SOBP: variants seen among roughly 807,000 people sequenced by gnomAD.
SOBP encodes the protein sine oculis binding protein homolog, also known as sine oculis-binding protein homolog.
A neutral mutation model predicts 53.6 loss-of-function variants in SOBP; 4 were observed. That is an observed-to-expected ratio of 0.07 (90% CI 0.04 to 0.17). The LOEUF (loss-of-function observed/expected upper bound fraction) is 0.17, where lower values mean the gene tolerates loss of function less well. SOBP is among the 10% of genes least tolerant of loss of function. SOBP has a pLI of 1.00. For synonymous variants in SOBP, 584 were observed against 522.6 expected, an observed-to-expected ratio of 1.12 and a Z score of -1.60; for missense variants, 1,088 against 1,204.7, an observed-to-expected ratio of 0.90 and a Z score of 1.43.
In SOBP at chr6:107,634,769, T is replaced by C; in HGVS notation, c.1925T>C (p.Phe642Ser). The C allele has an allele frequency of 7.3e-7, 1 of 1,369,506 alleles. No homozygotes were observed. The highest frequency in any genetic ancestry group is 9.4e-7 in the Non-Finnish European group (1 of 1,062,596). The allele number at this position is 1,369,506 out of a possible 1,614,324, so 84.8% of individuals were successfully genotyped here. Residue 642 changes from phenylalanine (F) to serine (S), a missense_variant, in exon 6 of 7, where the codon TTC becomes TCC. Around this residue, in one of 6 missense-constraint regions of SOBP, gnomAD observed 665 missense variants for 629.7 expected, o/e 1.06. Transcript: ENST00000317357. The surrounding 1 kb of genome is among the most constrained non-coding windows in gnomAD (Gnocchi z 4.5). Reference sequence around the variant, plus strand: ...CCGGGCGCGGGCGGCCAGCTCGGCTTCCCAGGCGTGCTGCAGGGCCCGCAG... The same window carrying C: ...CCGGGCGCGGGCGGCCAGCTCGGCTCCCCAGGCGTGCTGCAGGGCCCGCAG... ...GPPGAGGQLGFPGVLQGPQDG... is the reference protein window; with the variant it reads ...GPPGAGGQLGSPGVLQGPQDG...
intron 4 of SOBP, among the ~76,000 whole-genome samples, chr6:107,577,931 A>G (rs1163816384): frequency 6.6e-6 from 1 of 152,088 alleles, no homozygotes; most frequent in Non-Finnish European, 1.5e-5. Flanking sequence ...AAAATTAGCC[A>G]GGCATGGTGG....
At chr6:107,546,277 C>A (rs902662142) in intron 4 of SOBP, among the ~76,000 whole-genome samples, 1 of 152,158 alleles carries the variant, frequency 6.6e-6, no homozygotes, top group African/African-American at 2.4e-5. Flanking sequence ...CTGTATCAAT[C>A]TGTGATGTAG....
At chr6:107,613,825 C>A (rs575903634) in intron 5 of SOBP, among the ~76,000 whole-genome samples, 1 of 152,138 alleles carries the variant, frequency 6.6e-6, no homozygotes, top group African/African-American at 2.4e-5. Flanking sequence ...GTATGCCTTT[C>A]AGAGATATTT....
At chr6:107,657,194 C>T (rs971349860) in intron 6 of SOBP, among the ~76,000 whole-genome samples, 2 of 152,312 alleles carry the variant, frequency 1.3e-5, no homozygotes, top group East Asian at 1.9e-4. Flanking sequence ...ACTGAGTGGC[C>T]TCAGGAAGCT....
At position 107,635,170 on chromosome 6, in the gene SOBP, T is replaced by G; in HGVS notation, c.2326T>G (p.Cys776Gly). The change falls in exon 6 of 7, where the codon TGT becomes GGT. Residue 776 changes from cysteine (C) to glycine (G), a missense_variant. Around this residue, in one of 6 missense-constraint regions of SOBP, gnomAD observed 665 missense variants for 629.7 expected, o/e 1.06. Coordinates refer to ENST00000317357, the MANE Select transcript of SOBP (RefSeq NM_018013.4). The surrounding 1 kb of genome is among the most constrained non-coding windows in gnomAD (Gnocchi z 4.5). ...SELESVKENN[C>G]ASNCHLDGEA... ...GCTAGAGTCGGTCAAGGAGAATAAC[T>G]GTGCTTCCAACTGCCACCTGGACGG... is the stretch of plus-strand genomic sequence containing the variant. 4 of 1,613,488 alleles carry G rather than the reference T, an allele frequency of 2.5e-6. No homozygotes were observed. The highest frequency in any genetic ancestry group is 3.4e-6 in the Non-Finnish European group (4 of 1,179,874).
At chr6:107,649,158 A>T (rs1249164099) in intron 6 of SOBP, among the ~76,000 whole-genome samples, 1 of 83,658 alleles carries the variant, frequency 1.2e-5, no homozygotes, top group African/African-American at 5.0e-5. Context: ...CCCCGCCCCC[A>T]CTACCAAAAA....
intron 5 of SOBP, among the ~76,000 whole-genome samples, chr6:107,623,402 A>T (rs950559337): frequency 1.3e-5 from 2 of 152,166 alleles, no homozygotes; most frequent in Non-Finnish European, 2.9e-5. Context: ...ACAAAAGAGG[A>T]TGAAAAGGCA....
At chr6:107,570,994 A>G (rs1785058274) in intron 4 of SOBP, among the ~76,000 whole-genome samples, 1 of 152,232 alleles carries the variant, frequency 6.6e-6, no homozygotes, top group Non-Finnish European at 1.5e-5. Context: ...AGAACAACGC[A>G]AGACTCTGTA....
Position 107,580,249 on chromosome 6 carries a change from A to G in SOBP, c.574-6831A>G, listed in dbSNP as rs1038017789. On this transcript the variant is annotated intron_variant, in intron 4 of 6. Coordinates refer to ENST00000317357, the MANE Select transcript of SOBP (RefSeq NM_018013.4). ...CTGTCCAGGAGAAAGCCCTCCACCC[A>G]AGCTGCATGCACACATAATTTTGTT... 1.4e-4 allele frequency among the ~76,000 whole-genome samples: 21 copies of G among 152,224 alleles called. 2 individuals are homozygous for G.
chr6:107,584,685 C>G (rs368301734), intron 4 of SOBP, among the ~76,000 whole-genome samples: 1 of 152,236 alleles, frequency 6.6e-6, no homozygotes, highest in African/African-American at 2.4e-5. Context: ...TCTTCAATCC[C>G]CCTCTCCTTT....
intron 4 of SOBP, among the ~76,000 whole-genome samples, chr6:107,558,730 A>T (rs896359112): frequency 1.3e-5 from 2 of 151,648 alleles, no homozygotes; most frequent in Non-Finnish European, 2.9e-5. Context: ...GCAGAATACC[A>T]TGGGTAGCAT....
At chr6:107,558,044 T>C (rs952112875) in intron 4 of SOBP, 4 of 152,184 alleles carry the variant, frequency 2.6e-5, no homozygotes, top group African/African-American at 9.6e-5. Flanking sequence ...GACATGCTTC[T>C]GAGACTGATG....
intron 6 of SOBP, among the ~76,000 whole-genome samples, chr6:107,655,875 T>A (rs570671050): frequency 5.3e-5 from 8 of 152,342 alleles, no homozygotes; most frequent in East Asian, 3.9e-4. Context: ...TTCATTTTTT[T>A]AAATAGTGAT....
intron 3 of SOBP, among the ~76,000 whole-genome samples, chr6:107,531,706 T>C (rs1049855650): frequency 2.6e-5 from 4 of 152,184 alleles, no homozygotes; most frequent in Admixed American, 2.0e-4. Context: ...CAGTAATTGT[T>C]TGACATTTGA....
chr6:107,602,791 C>T (rs1002239195), intron 5 of SOBP, among the ~76,000 whole-genome samples: 3 of 152,128 alleles, frequency 2.0e-5, no homozygotes, highest in African/African-American at 7.2e-5. Flanking sequence ...AATGCCTAAA[C>T]CAACCAAGTG....
chr6:107,533,307 AAG>A (rs1173985012), intron 3 of SOBP, 150 bp from the exon 4 acceptor site: 10,771 of 420,892 alleles, frequency 0.026, 10 homozygotes, highest in East Asian at 0.044. Context: ...GAGAGAGAGA[AAG>A]AGAGAGAGAG....
In SOBP at chr6:107,635,365, G is replaced by A; in HGVS notation, c.2521G>A (p.Ala841Thr). Reference protein sequence around the residue: ...VPKPAEKAAMAPCIISSPMLS... With the variant: ...VPKPAEKAAMTPCIISSPMLS... ...AAAACCCGCGGAGAAGGCTGCCATG[G>A]CACCGTGCATCATCTCCTCGCCCAT... The change falls in exon 6 of 7, where the codon GCA (alanine) becomes ACA (threonine). Residue 841 changes from alanine (A) to threonine (T), a missense_variant. Coordinates refer to ENST00000317357, the MANE Select transcript of SOBP (RefSeq NM_018013.4). The surrounding 1 kb of genome is among the most constrained non-coding windows in gnomAD (Gnocchi z 4.5). 1 of 1,613,556 alleles carries A rather than the reference G, an allele frequency of 6.2e-7. No individual in the cohort carries two copies. Among genetic ancestry groups the A allele is most frequent in the South Asian group, 1.1e-5 (1 of 91,082 alleles).
intron 4 of SOBP, among the ~76,000 whole-genome samples, chr6:107,563,212 A>T (rs115702691): frequency 0.017 from 2,539 of 152,238 alleles, 67 homozygotes; most frequent in African/African-American, 0.055. Flanking sequence ...TGCCATTATT[A>T]CACCAGTGCA....
chr6:107,553,411 C>A (rs550044270), intron 4 of SOBP, among the ~76,000 whole-genome samples: 1 of 151,900 alleles, frequency 6.6e-6, no homozygotes, highest in Non-Finnish European at 1.5e-5. Flanking sequence ...TCACTGCAAC[C>A]TCTGCCTCCT....
Sources: allele counts gnomAD v4.1 joint callset (sites outside exome capture counted in the v4.1 genomes callset), GRCh38; gene constraint gnomAD v4.1.1; regional missense constraint gnomAD v4.1.1; non-coding constraint Gnocchi (gnomAD v3.1); transcripts MANE v1.5; gene names NCBI Gene and HGNC (gene_info 2026-07-23, HGNC 2026-07-21).